PPEF2: variants seen among roughly 807,000 people sequenced by gnomAD.
PPEF2 encodes the protein serine/threonine-protein phosphatase with EF-hands 2.
A neutral mutation model predicts 84.7 loss-of-function variants in PPEF2; 84 were observed. That is an observed-to-expected ratio of 0.99 (90% CI 0.83 to 1.19). The LOEUF (loss-of-function observed/expected upper bound fraction) is 1.19. Among genes scored for constraint, PPEF2 ranks in the 50% most tolerant of loss-of-function variants. The pLI, the probability that PPEF2 is intolerant of heterozygous loss-of-function variation, is 0.00. For synonymous variants in PPEF2, 346 were observed against 345.2 expected (o/e 1.00, Z -0.03); for missense variants, 924 against 937.5 (o/e 0.99, Z 0.19).
intron 6 of PPEF2, 73 bp from the exon 7 acceptor site, chr4:75,886,971 G>GA: frequency 1.3e-6 from 1 of 791,986 alleles, no homozygotes; most frequent in Non-Finnish European, 2.0e-6. Flanking sequence ...TTATAAGAAA[G>GA]AAAATACCCA....
intron 11 of PPEF2, among the ~76,000 whole-genome samples, chr4:75,873,743 G>A (rs1030319174): frequency 2.6e-5 from 4 of 152,136 alleles, no homozygotes; most frequent in South Asian, 2.1e-4. Flanking sequence ...GACCCCAGAC[G>A]TGGTCCTGGG....
chr4:75,892,143 C>T (rs1315393300), intron 2 of PPEF2, among the ~76,000 whole-genome samples, 165 bp from the exon 3 acceptor site: 1 of 152,212 alleles, frequency 6.6e-6, no homozygotes, highest in Non-Finnish European at 1.5e-5. Flanking sequence ...TCCCTTTCTG[C>T]TGGCAATAGT....
At chr4:75,883,907 A>T (rs1205176587) in intron 8 of PPEF2, among the ~76,000 whole-genome samples, 1 of 150,566 alleles carries the variant, frequency 6.6e-6, no homozygotes, top group Non-Finnish European at 1.5e-5. Flanking sequence ...GGACGGGTGT[A>T]TCACCTGAGG....
At position 75,860,869 on chromosome 4, in the gene PPEF2, T is replaced by G. The variant is rs1214016576; in HGVS notation, c.2060A>C (p.His687Pro). The G allele has an allele frequency of 1.2e-6, 2 of 1,614,262 alleles. No individual in the cohort carries two copies. The highest frequency in any genetic ancestry group is 1.3e-5 in the African/African-American group (1 of 75,080). Residue 687 changes from histidine to proline, a missense_variant, in exon 17 of 17, where the codon CAC becomes CCC. By Grantham distance (77) the His-to-Pro change is moderately conservative. Coordinates refer to ENST00000286719, the MANE Select transcript of PPEF2 (RefSeq NM_006239.3). ...FRQTWKLFSS[H>P]MNIDITDDCI... ...GTCATCTGTAATGTCGATATTCATG[T>G]GAGAGCTGAACAGCTTCCAGGTCTG...
intron 11 of PPEF2, among the ~76,000 whole-genome samples, chr4:75,873,773 A>G (rs1357184938): frequency 1.3e-5 from 2 of 151,740 alleles, no homozygotes; most frequent in Non-Finnish European, 2.9e-5. Flanking sequence ...TCGACATTTT[A>G]TTTCTTAAAG....
intron 1 of PPEF2, among the ~76,000 whole-genome samples, chr4:75,898,028 T>C (rs1725046395): frequency 6.6e-6 from 1 of 152,230 alleles, no homozygotes; most frequent in Non-Finnish European, 1.5e-5. Flanking sequence ...TAACTAAAAG[T>C]ATCCCTTATG....
At chr4:75,869,159 A>G (rs552849251) in intron 13 of PPEF2, among the ~76,000 whole-genome samples, 80 of 152,212 alleles carry the variant, frequency 5.3e-4, no homozygotes, top group Non-Finnish European at 1.1e-3. Context: ...AAGAACCACT[A>G]GTTAGACAAA....
intron 13 of PPEF2, among the ~76,000 whole-genome samples, chr4:75,871,043 G>A (rs1044085415): frequency 4.6e-5 from 7 of 151,718 alleles, no homozygotes; most frequent in South Asian, 2.1e-4. Context: ...TCAGCTTCCC[G>A]TGTAGCTGGG....
chr4:75,891,582 C>A lies in PPEF2; in HGVS notation c.241+66G>T, dbSNP rs116138513. On this transcript the variant is annotated intron_variant, in intron 4 of 16. Transcript: ENST00000286719. ...TCACGGTTTCACTCCCTGTGCATCC[C>A]CCACCTCACCGTGTAATCTATGGCC... The A allele has an allele frequency of 6.9e-3, 10,482 of 1,508,368 alleles. 53 individuals carry two copies. Among genetic ancestry groups the A allele is most frequent in the Non-Finnish European group, 8.6e-3 (9,650 of 1,119,502 alleles). 93.4% of individuals were successfully genotyped at this position (1,508,368 alleles called of 1,614,324 possible).
Position 75,891,663 on chromosome 4 carries a change from T to C in PPEF2, c.226A>G (p.Ser76Gly). 1 of 1,610,478 alleles carries C rather than the reference T, an allele frequency of 6.2e-7. No individual in the cohort carries two copies. The highest frequency in any genetic ancestry group is 8.5e-7 in the Non-Finnish European group (1 of 1,178,666). ...TCATACTCACTGTCGTTGTGGCTGC[T>C]GGGGATGAAGTGATCCATGAGATAG... is the stretch of plus-strand genomic sequence containing the variant. ...FSYLMDHFIP[S>G]SHNDRDFLTR... Residue 76 changes from serine (S) to glycine (G), a missense_variant, in exon 4 of 17, where the codon AGC becomes GGC. By Grantham distance (56) the Ser-to-Gly change is moderately conservative. Coordinates refer to ENST00000286719, the MANE Select transcript of PPEF2 (RefSeq NM_006239.3).
In PPEF2 at chr4:75,876,371, C is replaced by G. The variant is rs61756409; in HGVS notation, c.1236G>C (p.Glu412Asp). ...AGGCTGAGCGGGAGGGCTCCTCTTTCTCTCCGGTCACCAGGAGGCCTGCTT... is the reference window on the plus strand; with the variant it reads ...AGGCTGAGCGGGAGGGCTCCTCTTTGTCTCCGGTCACCAGGAGGCCTGCTT... Reference protein sequence around the residue: ...RQQAGLLVTGEKEEPSRSASE... With the variant: ...RQQAGLLVTGDKEEPSRSASE... Residue 412 changes from glutamate (E) to aspartate (D), a missense_variant, in exon 11 of 17, where the codon GAG becomes GAC. Physicochemically the swap from Glu to Asp is conservative, Grantham distance 45 (BLOSUM62 2). Transcript: ENST00000286719. The G allele has an allele frequency of 1.2e-6, 2 of 1,614,142 alleles. No homozygotes were observed. The highest frequency in any genetic ancestry group is 8.5e-7 in the Non-Finnish European group (1 of 1,180,042).
At chr4:75,868,315 C>CAAAAAAAAAAAAAAAAAAAAAAAAAA (rs10646136) in intron 13 of PPEF2, among the ~76,000 whole-genome samples, 2 of 55,708 alleles carry the variant, frequency 3.6e-5, no homozygotes, top group Non-Finnish European at 6.3e-5. Context: ...GACCCTGTCT[C>CAAAAAAAAAAAAAAAAAAAAAAAAAA]AAAAAAAAAA....
chr4:75,891,743 A>G (rs758602079), intron 3 of PPEF2, 38 bp from the exon 4 acceptor site: 1 of 1,600,054 alleles, frequency 6.2e-7, no homozygotes, highest in East Asian at 2.2e-5. Flanking sequence ...TTTAGAGGTG[A>G]GCGAAAAGAG....
chr4:75,872,938 T>C (rs1446161379), intron 12 of PPEF2, among the ~76,000 whole-genome samples, 189 bp downstream of exon 12: 1 of 152,184 alleles, frequency 6.6e-6, no homozygotes, highest in Non-Finnish European at 1.5e-5. Context: ...AATCAAACTT[T>C]GGGTTTTAAA....
At chr4:75,899,564 GT>G (rs1417453415) in intron 1 of PPEF2, among the ~76,000 whole-genome samples, 1 of 152,138 alleles carries the variant, frequency 6.6e-6, no homozygotes, top group Non-Finnish European at 1.5e-5. Flanking sequence ...TTTGAAGGTT[GT>G]GATACTGGGG....
chr4:75,878,853 A>T (rs1336497545), intron 10 of PPEF2, among the ~76,000 whole-genome samples: 1 of 152,122 alleles, frequency 6.6e-6, no homozygotes, highest in African/African-American at 2.4e-5. Context: ...ATCTCAGCTC[A>T]CCAAAACCTC....
intron 4 of PPEF2, among the ~76,000 whole-genome samples, chr4:75,891,030 A>G (rs1434372643): frequency 6.6e-6 from 1 of 152,026 alleles, no homozygotes; most frequent in African/African-American, 2.4e-5. Context: ...TAAACATATA[A>G]AAAATCAGCC....
chr4:75,860,550 G>T lies in PPEF2; in HGVS notation c.*117C>A. On this transcript the variant is annotated 3_prime_UTR_variant, in exon 17 of 17. Coordinates refer to ENST00000286719, the MANE Select transcript of PPEF2 (RefSeq NM_006239.3). ...ACTGAAATACACAGGTGATTCTGAT[G>T]CATATGGATAGGTAAATTTTCAGCA... 4.8e-6 allele frequency: 6 copies of T among 1,261,788 alleles called. No homozygotes were observed. Among genetic ancestry groups the T allele is most frequent in the Non-Finnish European group, 5.5e-6 (5 of 906,116 alleles). The allele number at this position is 1,261,788 out of a possible 1,614,324, so 78.2% of individuals were successfully genotyped here.
At chr4:75,873,391 G>A in intron 11 of PPEF2, 79 bp from the exon 12 acceptor site, 2 of 1,282,432 alleles carry the variant, frequency 1.6e-6, no homozygotes, top group Non-Finnish European at 2.2e-6. Flanking sequence ...AAAGGAAGAG[G>A]AGGAGGAAAA....
Sources: allele counts gnomAD v4.1 joint callset (sites outside exome capture counted in the v4.1 genomes callset), GRCh38; gene constraint gnomAD v4.1.1; transcripts MANE v1.5; gene names NCBI Gene and HGNC (gene_info 2026-07-23, HGNC 2026-07-21).